Variants in ADK observed in about 807,000 individuals in gnomAD.
ADK encodes adenosine kinase, also known as N6,N6-dimethyladenosine kinase.
A neutral mutation model predicts 44.7 loss-of-function variants in ADK; 24 were observed. That is an observed-to-expected ratio of 0.54 (90% confidence interval 0.39 to 0.76). ADK has a LOEUF of 0.76. Among genes scored for constraint, ADK ranks in the 30% least tolerant of loss-of-function variants. The pLI is 0.00. For synonymous variants in ADK, 128 were observed against 142.6 expected, an observed-to-expected ratio of 0.90 and a Z score of 0.73; for missense variants, 321 against 425.1, an observed-to-expected ratio of 0.76 and a Z score of 2.15.
At chr10:74,348,522 C>A (rs1289094845) in intron 4 of ADK, among the ~76,000 whole-genome samples, 1 of 151,980 alleles carries the variant, frequency 6.6e-6, no homozygotes, top group East Asian at 1.9e-4. Flanking sequence ...ACCAGAATGC[C>A]TCTTTGCCTC....
intron 3 of ADK, among the ~76,000 whole-genome samples, chr10:74,274,461 C>T (rs1846577894): frequency 6.6e-6 from 1 of 151,570 alleles, no homozygotes; most frequent in Non-Finnish European, 1.5e-5. Flanking sequence ...ACTCAGGAGG[C>T]TGAGGCGGGA....
chr10:74,596,865 C>G (rs1001947985), intron 8 of ADK, among the ~76,000 whole-genome samples: 3 of 152,080 alleles, frequency 2.0e-5, no homozygotes, highest in Non-Finnish European at 4.4e-5. Context: ...TACTTTAGAG[C>G]TTTATACATG....
chr10:74,592,758 A>G (rs1011403283), intron 8 of ADK, among the ~76,000 whole-genome samples: 4 of 152,194 alleles, frequency 2.6e-5, no homozygotes, highest in Non-Finnish European at 5.9e-5. Context: ...AGAGAAAAGT[A>G]TGGAATTGTG....
chr10:74,249,108 G>A (rs1300080255), intron 3 of ADK, among the ~76,000 whole-genome samples: 1 of 152,050 alleles, frequency 6.6e-6, no homozygotes, highest in Non-Finnish European at 1.5e-5. Context: ...GTTGTTGCTG[G>A]TTTTACAAGT....
At chr10:74,176,445 G>A in intron 1 of ADK, 1 of 1,073,084 alleles carries the variant, frequency 9.3e-7, no homozygotes, top group Non-Finnish European at 1.1e-6. Context: ...AGCTTGCCGA[G>A]GTAGACAGTG....
intron 6 of ADK, among the ~76,000 whole-genome samples, chr10:74,407,585 A>G (rs548402062): frequency 1.4e-4 from 21 of 152,150 alleles, no homozygotes; most frequent in Non-Finnish European, 2.2e-4. Context: ...ACTCCAAAGG[A>G]ATCCCTTGCA....
intron 10 of ADK, among the ~76,000 whole-genome samples, chr10:74,678,632 G>A (rs77595142): frequency 6.6e-6 from 1 of 152,204 alleles, no homozygotes; most frequent in African/African-American, 2.4e-5. Context: ...AAGCTCAGAT[G>A]TGAAACTTAG....
At chr10:74,668,296 A>AT (rs1331277627) in intron 9 of ADK, among the ~76,000 whole-genome samples, 223 of 148,358 alleles carry the variant, frequency 1.5e-3, no homozygotes, top group Middle Eastern at 3.5e-3. Flanking sequence ...GTCTGCTTAC[A>AT]TTTTTTTTTT....
chr10:74,615,985 A>T lies in ADK; in HGVS notation c.877+15492A>T, dbSNP rs190885496. Among the ~76,000 whole-genome samples, 86 of 152,290 alleles carry T rather than the reference A, an allele frequency of 5.6e-4. 1 individual carries two copies. In the Middle Eastern group the frequency reaches 0.017, roughly 30 times the overall value. On this transcript the variant is annotated intron_variant, in intron 9 of 10. Coordinates refer to ENST00000539909, the MANE Select transcript of ADK (RefSeq NM_006721.4). ...CGGCCTCCCAAAGTGCTGGGGTTAC[A>T]GGCGTGAGCCATCGTGCCTGGCCTT...
intron 7 of ADK, among the ~76,000 whole-genome samples, chr10:74,568,002 TTCTC>T (rs751738230): frequency 2.6e-5 from 4 of 152,058 alleles, no homozygotes; most frequent in African/African-American, 4.8e-5. Context: ...CCAGGCCCTA[TTCTC>T]TCTCTTTTTA....
At chr10:74,175,353 C>T (rs1452015204) in intron 1 of ADK, among the ~76,000 whole-genome samples, 2 of 141,138 alleles carry the variant, frequency 1.4e-5, no homozygotes, top group South Asian at 2.2e-4. Flanking sequence ...CCAACCTGGG[C>T]GACAGAACAA....
At chr10:74,471,540 AT>A (rs1392854158) in intron 6 of ADK, among the ~76,000 whole-genome samples, 13 of 152,146 alleles carry the variant, frequency 8.5e-5, no homozygotes, top group African/African-American at 2.9e-4. Context: ...CTGCAAAAAA[AT>A]GTCATTGGGA....
chr10:74,589,736 C>T (rs1002391263), intron 8 of ADK, among the ~76,000 whole-genome samples: 1 of 152,096 alleles, frequency 6.6e-6, no homozygotes, highest in Non-Finnish European at 1.5e-5. Flanking sequence ...ATAATTTCAG[C>T]CCTATCACAT....
At chr10:74,526,546 T>C (rs1308408888) in intron 7 of ADK, among the ~76,000 whole-genome samples, 1 of 152,196 alleles carries the variant, frequency 6.6e-6, no homozygotes. Context: ...AGTTTGAATA[T>C]ATTCATCAAT....
In ADK at chr10:74,272,712, G is replaced by A. The variant is rs1314878400; in HGVS notation, c.195-41955G>A. On this transcript the variant is annotated intron_variant, in intron 3 of 10. Coordinates refer to ENST00000539909, the MANE Select transcript of ADK (RefSeq NM_006721.4). ...AAGACATATGTGTTTAACTGGTTTG[G>A]TGGCAAGTCTGTTTACAGAAATTTG... Among the ~76,000 whole-genome samples, 5 of 152,162 alleles carry A rather than the reference G, an allele frequency of 3.3e-5. No individual in the cohort carries two copies. In the East Asian group the frequency reaches 5.8e-4, roughly 18 times the overall value.
intron 6 of ADK, among the ~76,000 whole-genome samples, chr10:74,511,507 G>A (rs1848323606): frequency 6.6e-6 from 1 of 152,068 alleles, no homozygotes; most frequent in Non-Finnish European, 1.5e-5. Context: ...CCTTGTAGAG[G>A]TCTTTTATCA....
chr10:74,441,096 C>A (rs1308222028), intron 6 of ADK, among the ~76,000 whole-genome samples: 1 of 152,150 alleles, frequency 6.6e-6, no homozygotes, highest in Non-Finnish European at 1.5e-5. Flanking sequence ...TGAACACCAC[C>A]TTAGTTTTTA....
chr10:74,347,642 G>A (rs145508492), intron 4 of ADK, among the ~76,000 whole-genome samples: 14 of 152,182 alleles, frequency 9.2e-5, no homozygotes, highest in Admixed American at 3.3e-4. Flanking sequence ...CCACTCCCAC[G>A]GAGCCCAGTA....
At chr10:74,608,228 T>A (rs1852408445) in intron 9 of ADK, among the ~76,000 whole-genome samples, 1 of 151,968 alleles carries the variant, frequency 6.6e-6, no homozygotes, top group Admixed American at 6.6e-5. Flanking sequence ...GAAGCCTACT[T>A]CTGTCAATTT....
Sources: gnomAD v4.1 joint callset for allele counts (sites outside exome capture counted in the v4.1 genomes callset) on GRCh38, gnomAD v4.1.1 for gene constraint, MANE v1.5 for transcripts, NCBI Gene and HGNC (gene_info 2026-07-23, HGNC 2026-07-21) for gene names.